The following DNER variants were observed in gnomAD, a reference collection of about 807,000 sequenced individuals.
The protein encoded by DNER is delta/notch like EGF repeat containing.
DNER carries 33 observed loss-of-function variants against 78.2 expected under a neutral mutation model. The observed-to-expected ratio is 0.42, with a 90% confidence interval of 0.32 to 0.56. DNER has a LOEUF of 0.56. DNER is among the 20% of genes least tolerant of loss of function. DNER has a pLI of 0.11. For synonymous variants in DNER, 417 were observed against 384.8 expected, an observed-to-expected ratio of 1.08 and a Z score of -0.98; for missense variants, 918 against 975.3, an observed-to-expected ratio of 0.94 and a Z score of 0.78.
intron 1 of DNER, among the ~76,000 whole-genome samples, chr2:229,609,914 T>C (rs569306809): frequency 2.0e-5 from 3 of 152,354 alleles, no homozygotes; most frequent in Admixed American, 1.3e-4. Flanking sequence ...ATTATATCAC[T>C]GATTCAGCCC....
At chr2:229,554,375 T>C (rs913775483) in intron 4 of DNER, among the ~76,000 whole-genome samples, 1 of 152,036 alleles carries the variant, frequency 6.6e-6, no homozygotes, top group Admixed American at 6.6e-5. Flanking sequence ...CTGGACAACA[T>C]AGTGAAACCT....
intron 1 of DNER, among the ~76,000 whole-genome samples, chr2:229,596,237 C>T (rs10166515): frequency 0.36 from 55,375 of 152,044 alleles, 10,259 homozygotes; most frequent in East Asian, 0.5. Context: ...GCTGCCAGAG[C>T]CTATGAAGTG....
intron 12 of DNER, among the ~76,000 whole-genome samples, chr2:229,360,224 A>G (rs1692180691): frequency 6.6e-6 from 1 of 152,186 alleles, no homozygotes; most frequent in Non-Finnish European, 1.5e-5. Flanking sequence ...AAATACCTAG[A>G]TACACCACCA....
In DNER at chr2:229,395,254, A is replaced by G. The variant is rs1693109906; in HGVS notation, c.1724-6858T>C. On this transcript the variant is annotated intron_variant, in intron 10 of 12. Transcript: ENST00000341772. ...TGATGGCACTTGGCCGAAAATGATT[A>G]TTACTACAAGGGGATACTCATTTCT... Among the ~76,000 whole-genome samples the G allele has an allele frequency of 2.0e-5, 3 of 152,318 alleles. No individual in the cohort carries two copies. The South Asian group carries it at 6.2e-4, about 32-fold the overall frequency.
chr2:229,522,239 T>C (rs567616792), intron 5 of DNER, among the ~76,000 whole-genome samples: 20 of 152,340 alleles, frequency 1.3e-4, no homozygotes, highest in African/African-American at 4.8e-4. Context: ...GGAAATGCTG[T>C]AGAAGTCTTT....
At chr2:229,460,845 A>C (rs1434671634) in intron 7 of DNER, among the ~76,000 whole-genome samples, 1 of 147,696 alleles carries the variant, frequency 6.8e-6, no homozygotes, top group Admixed American at 6.7e-5. Context: ...TAGTTTCAAA[A>C]TTTAACGGAG....
chr2:229,679,513 T>C (rs958067381), intron 1 of DNER, among the ~76,000 whole-genome samples: 1 of 152,194 alleles, frequency 6.6e-6, no homozygotes, highest in Non-Finnish European at 1.5e-5. Context: ...TGAAACAGAA[T>C]GATTATAGTC....
intron 5 of DNER, among the ~76,000 whole-genome samples, chr2:229,529,544 G>A (rs1258772676): frequency 2.6e-5 from 4 of 152,104 alleles, no homozygotes; most frequent in Non-Finnish European, 5.9e-5. Context: ...TAATACTTCT[G>A]GAATTAGCAT....
intron 1 of DNER, among the ~76,000 whole-genome samples, chr2:229,703,531 T>C (rs1574575547): frequency 6.6e-6 from 1 of 152,140 alleles, no homozygotes; most frequent in East Asian, 1.9e-4. Flanking sequence ...AAAGAAAAAA[T>C]GGACCAATCA....
At chr2:229,423,372 T>A (rs1574836870) in intron 8 of DNER, among the ~76,000 whole-genome samples, 1 of 152,118 alleles carries the variant, frequency 6.6e-6, no homozygotes, top group East Asian at 1.9e-4. Context: ...CCCAGCACTT[T>A]GGGAGGCTGA....
chr2:229,648,902 A>G (rs551104859), intron 1 of DNER, among the ~76,000 whole-genome samples: 1 of 152,320 alleles, frequency 6.6e-6, no homozygotes, highest in African/African-American at 2.4e-5. Flanking sequence ...TTTTTTGTTA[A>G]TTTGCAAACT....
At chr2:229,391,576 C>G (rs1574821885) in intron 10 of DNER, among the ~76,000 whole-genome samples, 1 of 152,118 alleles carries the variant, frequency 6.6e-6, no homozygotes, top group Admixed American at 6.5e-5. Context: ...AAATCTCACT[C>G]TATCACCCAG....
intron 1 of DNER, among the ~76,000 whole-genome samples, chr2:229,705,584 C>A (rs1305633662): frequency 6.6e-6 from 1 of 152,170 alleles, no homozygotes; most frequent in East Asian, 1.9e-4. Flanking sequence ...CAGTCTGAGG[C>A]ACAGCAGTAC....
intron 1 of DNER, among the ~76,000 whole-genome samples, chr2:229,658,998 T>C (rs1356317265): frequency 6.6e-6 from 1 of 152,192 alleles, no homozygotes; most frequent in Non-Finnish European, 1.5e-5. Flanking sequence ...TCTCTACATC[T>C]GCATTTTGTC....
chr2:229,468,055 G>A (rs981402820), intron 7 of DNER, among the ~76,000 whole-genome samples: 1 of 152,224 alleles, frequency 6.6e-6, no homozygotes, highest in Admixed American at 6.5e-5. Flanking sequence ...AGGTACCCAG[G>A]AAGGGAAACC....
intron 4 of DNER, among the ~76,000 whole-genome samples, chr2:229,582,885 C>T (rs540876594): frequency 3.3e-5 from 5 of 152,082 alleles, no homozygotes; most frequent in Non-Finnish European, 7.4e-5. Flanking sequence ...GTGATCCACC[C>T]GCCTCAGCCT....
chr2:229,503,717 T>C (rs1223782969), intron 6 of DNER, among the ~76,000 whole-genome samples: 4 of 152,168 alleles, frequency 2.6e-5, no homozygotes, highest in Non-Finnish European at 1.5e-5. Flanking sequence ...GGGTATCTTT[T>C]GAGTTATACA....
intron 9 of DNER, among the ~76,000 whole-genome samples, chr2:229,417,485 G>A (rs558496626): frequency 2.2e-4 from 33 of 152,112 alleles, no homozygotes; most frequent in African/African-American, 6.0e-4. Context: ...TCCACAAAAC[G>A]TGGCCAGAGG....
At chr2:229,399,796 G>A (rs946853248) in intron 10 of DNER, among the ~76,000 whole-genome samples, 35 of 152,014 alleles carry the variant, frequency 2.3e-4, no homozygotes, top group Non-Finnish European at 8.8e-5. Flanking sequence ...TTCAGCTAAT[G>A]ATGCTTGAAA....
Sources: gnomAD v4.1 joint callset for allele counts (sites outside exome capture counted in the v4.1 genomes callset) on GRCh38, gnomAD v4.1.1 for gene constraint, MANE v1.5 for transcripts, NCBI Gene and HGNC (gene_info 2026-07-23, HGNC 2026-07-21) for gene names.